Variants in ATRNL1 observed in about 807,000 individuals in gnomAD.
ATRNL1 encodes the protein attractin like 1, also known as attractin-like protein 1.
In ATRNL1, 95 loss-of-function variants were observed where a neutral mutation model predicts 182.7. That is an observed-to-expected ratio of 0.52 (90% CI 0.44 to 0.62). ATRNL1 has a LOEUF of 0.62. ATRNL1 is among the 20% of genes least tolerant of loss of function. The probability of loss-of-function intolerance (pLI) is 0.00; values close to 1 mark genes in which losing one functional copy is unlikely to be tolerated. For synonymous variants in ATRNL1, 576 were observed against 568.3 expected (o/e 1.01, Z -0.19); for missense variants, 1,471 against 1,679.5 (o/e 0.88, Z 2.17).
At chr10:115,137,148 C>T (rs1554876871) in intron 5 of ATRNL1, among the ~76,000 whole-genome samples, 1 of 152,062 alleles carries the variant, frequency 6.6e-6, no homozygotes, top group East Asian at 1.9e-4. Context: ...GCCAAGATCG[C>T]ACCATTGCAC....
chr10:115,854,696 T>C (rs552553258), intron 28 of ATRNL1, among the ~76,000 whole-genome samples: 7 of 152,234 alleles, frequency 4.6e-5, no homozygotes, highest in Non-Finnish European at 1.0e-4. Flanking sequence ...CTGACTTGTC[T>C]GTTTTTGTAA....
At chr10:115,274,198 A>T (rs12217550) in intron 13 of ATRNL1, among the ~76,000 whole-genome samples, 2,024 of 152,302 alleles carry the variant, frequency 0.013, 32 homozygotes, top group East Asian at 0.07. Context: ...AGGATCATGT[A>T]GCCCAACTGG....
intron 8 of ATRNL1, among the ~76,000 whole-genome samples, chr10:115,175,537 A>G (rs1229942950): frequency 6.6e-6 from 1 of 152,042 alleles, no homozygotes; most frequent in African/African-American, 2.4e-5. Flanking sequence ...TTTTTGTCTT[A>G]CTAACTGCAT....
chr10:115,109,867 A>G (rs907745598), intron 1 of ATRNL1, among the ~76,000 whole-genome samples: 1 of 152,322 alleles, frequency 6.6e-6, no homozygotes, highest in Admixed American at 6.5e-5. Flanking sequence ...TTAAAGATGT[A>G]CAGTTCACTT....
At chr10:115,703,913 C>T (rs1455635917) in intron 26 of ATRNL1, among the ~76,000 whole-genome samples, 4 of 151,568 alleles carry the variant, frequency 2.6e-5, no homozygotes, top group Non-Finnish European at 4.4e-5. Flanking sequence ...ATTTGATCTA[C>T]GGCTTGATTT....
chr10:115,328,955 C>A (rs1461587811), intron 18 of ATRNL1, among the ~76,000 whole-genome samples: 1 of 152,088 alleles, frequency 6.6e-6, no homozygotes, highest in Non-Finnish European at 1.5e-5. Context: ...CTTCAACATA[C>A]TGATTTTATT....
intron 20 of ATRNL1, among the ~76,000 whole-genome samples, chr10:115,411,287 A>T (rs1378839552): frequency 1.1e-4 from 17 of 151,002 alleles, no homozygotes; most frequent in African/African-American, 3.6e-4. Context: ...TAAATTTAAA[A>T]TTTTAATTTA....
rs140887141 is a variant in ATRNL1, at chr10:115,648,357, A to G, written c.3796-78891A>G. 9.9e-3 allele frequency among the ~76,000 whole-genome samples: 1,502 copies of G among 152,294 alleles called. 17 individuals are homozygous for G. Among genetic ancestry groups the G allele is most frequent in the African/African-American group, 0.034 (1,421 of 41,562 alleles). On this transcript the variant is annotated intron_variant, in intron 26 of 28. Coordinates refer to ENST00000355044, the MANE Select transcript of ATRNL1 (RefSeq NM_207303.4). ...ATGCTCATGGATAGAAAGAATCAAT[A>G]CCATGAAAATGGCCATACTGCCCAA...
At chr10:115,365,209 G>C (rs566453695) in intron 19 of ATRNL1, among the ~76,000 whole-genome samples, 1 of 152,158 alleles carries the variant, frequency 6.6e-6, no homozygotes, top group African/African-American at 2.4e-5. Context: ...CCCGTTATTG[G>C]TCTATTCAGA....
chr10:115,532,978 T>C (rs1273289489), intron 25 of ATRNL1, among the ~76,000 whole-genome samples: 2 of 151,606 alleles, frequency 1.3e-5, no homozygotes, highest in East Asian at 3.9e-4. Flanking sequence ...TTGATCATGG[T>C]GGATAAGCTT....
intron 10 of ATRNL1, among the ~76,000 whole-genome samples, chr10:115,247,717 C>T (rs1034063885): frequency 5.9e-5 from 9 of 152,170 alleles, no homozygotes; most frequent in African/African-American, 1.7e-4. Context: ...GAGACACCTG[C>T]ACCTCCAGGT....
In ATRNL1 at chr10:115,727,251, C is replaced by G; in HGVS notation, c.3799C>G (p.Leu1267Val). 1 of 1,613,286 alleles carries G rather than the reference C, an allele frequency of 6.2e-7. No individual in the cohort carries two copies. Among genetic ancestry groups the G allele is most frequent in the Middle Eastern group, 1.6e-4 (1 of 6,062 alleles). ...TCWASRRREQ[L>V]LRERQQMASR... The stretch of plus-strand genomic sequence containing the variant: ...AATCATTTTTAACCCCCTCCAGCAA[C>G]TGCTTCGAGAACGACAGCAGATGGC... The change falls in exon 27 of 29, where the codon CTG (leucine) becomes GTG (valine). Residue 1267 changes from leucine (L) to valine (V), a missense_variant. Around this residue, in one of 3 missense-constraint regions of ATRNL1, gnomAD observed 437 missense variants for 506.0 expected, o/e 0.86. Coordinates refer to ENST00000355044, the MANE Select transcript of ATRNL1 (RefSeq NM_207303.4).
intron 26 of ATRNL1, among the ~76,000 whole-genome samples, chr10:115,628,105 C>G (rs961672703): frequency 2.7e-5 from 4 of 150,676 alleles, no homozygotes; most frequent in Non-Finnish European, 5.9e-5. Context: ...CAAGATCGCA[C>G]CACTGCACTC....
chr10:115,874,144 G>C (rs1951647104), intron 28 of ATRNL1, among the ~76,000 whole-genome samples: 1 of 152,186 alleles, frequency 6.6e-6, no homozygotes, highest in Non-Finnish European at 1.5e-5. Context: ...GCCTGCTGGA[G>C]AAGATCTGTT....
chr10:115,124,835 C>A (rs1554872890), intron 3 of ATRNL1, among the ~76,000 whole-genome samples: 1 of 152,094 alleles, frequency 6.6e-6, no homozygotes, highest in Admixed American at 6.5e-5. Context: ...GGACAAAAGC[C>A]AGCCAAATTC....
At position 115,931,113 on chromosome 10, in the gene ATRNL1, A is replaced by T. The variant is rs554287949; in HGVS notation, c.4019-13545A>T. ...GAAGGGGTGAATATCCAGGTTGATT[A>T]TAAGCCATATATTTGTCTTTTCAAG... is the stretch of plus-strand genomic sequence containing the variant. On this transcript the variant is annotated intron_variant, in intron 28 of 28. Coordinates refer to ENST00000355044, the MANE Select transcript of ATRNL1 (RefSeq NM_207303.4). Among the ~76,000 whole-genome samples, 28 of 152,330 alleles carry T rather than the reference A, an allele frequency of 1.8e-4. 1 individual carries two copies. In the South Asian group the frequency reaches 5.6e-3, roughly 30 times the overall value.
intron 28 of ATRNL1, among the ~76,000 whole-genome samples, chr10:115,883,522 T>C (rs1951875286): frequency 6.6e-6 from 1 of 152,280 alleles, no homozygotes; most frequent in African/African-American, 2.4e-5. Context: ...AAGTGTAGTA[T>C]ATTCATACAT....
chr10:115,697,159 A>C (rs1946590532), intron 26 of ATRNL1, among the ~76,000 whole-genome samples: 1 of 152,110 alleles, frequency 6.6e-6, no homozygotes, highest in Non-Finnish European at 1.5e-5. Flanking sequence ...TCTGATGATC[A>C]GTGATTTTGA....
At chr10:115,806,497 A>T (rs782555548) in intron 27 of ATRNL1, among the ~76,000 whole-genome samples, 1 of 152,188 alleles carries the variant, frequency 6.6e-6, no homozygotes, top group South Asian at 2.1e-4. Flanking sequence ...CTACAGTTGC[A>T]AGTCACTAAA....
Sources: gnomAD v4.1 joint callset for allele counts (sites outside exome capture counted in the v4.1 genomes callset) on GRCh38, gnomAD v4.1.1 for gene constraint, gnomAD v4.1.1 regional missense constraint, MANE v1.5 for transcripts, NCBI Gene and HGNC (gene_info 2026-07-23, HGNC 2026-07-21) for gene names.